The following SLC38A6 variants were observed in gnomAD, a reference collection of about 807,000 sequenced individuals.
SLC38A6 encodes the protein solute carrier family 38 member 6.
A neutral mutation model predicts 65.0 loss-of-function variants in SLC38A6; 73 were observed. The ratio of observed to expected loss-of-function variants is 1.12; its 90% CI spans 0.93 to 1.37. The LOEUF (loss-of-function observed/expected upper bound fraction) is 1.37. SLC38A6 is among the 40% of genes most tolerant of loss of function. The pLI is 0.00. For missense variants in SLC38A6, 561 were observed against 531.1 expected, an observed-to-expected ratio of 1.06 and a Z score of -0.55; for synonymous variants, 183 against 178.8, an observed-to-expected ratio of 1.02 and a Z score of -0.19.
intron 3 of SLC38A6, among the ~76,000 whole-genome samples, chr14:61,014,778 G>T (rs747302585): frequency 2.0e-5 from 3 of 152,200 alleles, no homozygotes; most frequent in Non-Finnish European, 1.5e-5. Flanking sequence ...GCCGTGTGAG[G>T]TGTCAGTCTG....
intron 6 of SLC38A6, among the ~76,000 whole-genome samples, chr14:61,033,714 A>T (rs2139689703): frequency 6.6e-6 from 1 of 152,262 alleles, no homozygotes; most frequent in South Asian, 2.1e-4. Context: ...ACACATGTGA[A>T]ATCTAAACTA....
intron 3 of SLC38A6, among the ~76,000 whole-genome samples, chr14:61,010,190 G>T (rs1196751405): frequency 6.6e-6 from 1 of 152,148 alleles, no homozygotes; most frequent in Non-Finnish European, 1.5e-5. Flanking sequence ...CTTTTGAGAA[G>T]TGTCTGTTCA....
chr14:60,989,031 A>G (rs545832925), intron 3 of SLC38A6, among the ~76,000 whole-genome samples: 6 of 151,996 alleles, frequency 3.9e-5, no homozygotes, highest in Admixed American at 2.0e-4. Context: ...TTGCTTTTTT[A>G]TATCTTCTCC....
intron 5 of SLC38A6, among the ~76,000 whole-genome samples, chr14:61,021,787 C>T (rs2040357690): frequency 6.6e-6 from 1 of 152,094 alleles, no homozygotes; most frequent in African/African-American, 2.4e-5. Context: ...TATTAAGTGC[C>T]CAGTCAGTAA....
intron 1 of SLC38A6, chr14:60,981,729 C>T (rs2037044483): frequency 2.3e-6 from 3 of 1,304,538 alleles, no homozygotes; most frequent in South Asian, 1.2e-5. Flanking sequence ...CCACCAGTCT[C>T]GTGAGGTCTT....
rs566765898 is a variant in SLC38A6 at position 61,033,607 on chromosome 14, G to A, written c.482+3084G>A. The stretch of plus-strand genomic sequence containing the variant: ...TACTTTTTGAGATTTCTTTTTACTA[G>A]TTTGTTTTTCTCAGGCAGCAGTTTT... On this transcript the variant is annotated intron_variant, in intron 6 of 15. Coordinates refer to ENST00000267488, the MANE Select transcript of SLC38A6 (RefSeq NM_153811.3). Among the ~76,000 whole-genome samples the A allele has an allele frequency of 2.6e-5, 4 of 152,060 alleles. No homozygotes were observed. In the East Asian group the frequency reaches 7.7e-4, roughly 29 times the overall value.
intron 3 of SLC38A6, among the ~76,000 whole-genome samples, chr14:60,998,376 G>T (rs1326720055): frequency 6.6e-6 from 1 of 152,096 alleles, no homozygotes; most frequent in African/African-American, 2.4e-5. Context: ...CAGTAAAGGA[G>T]AGAAGAGAAG....
chr14:61,036,895 C>G (rs941622820), intron 6 of SLC38A6, among the ~76,000 whole-genome samples, 164 bp from the exon 7 acceptor site: 1 of 149,690 alleles, frequency 6.7e-6, no homozygotes, highest in African/African-American at 2.5e-5. Context: ...AAATAGGATC[C>G]CACAAGAACA....
At chr14:61,029,187 G>A (rs1339807505) in intron 5 of SLC38A6, among the ~76,000 whole-genome samples, 1 of 96,494 alleles carries the variant, frequency 1.0e-5, no homozygotes, top group Non-Finnish European at 2.1e-5. Context: ...GTGGAATTTT[G>A]CTCTTTCACC....
At chr14:61,029,758 A>G (rs1255731100) in intron 5 of SLC38A6, among the ~76,000 whole-genome samples, 1 of 152,250 alleles carries the variant, frequency 6.6e-6, no homozygotes, top group Admixed American at 6.5e-5. Flanking sequence ...ATTACATAAT[A>G]TAGATGAACC....
At chr14:61,047,550 T>C (rs918185288) in intron 12 of SLC38A6, among the ~76,000 whole-genome samples, 2 of 152,122 alleles carry the variant, frequency 1.3e-5, no homozygotes, top group Non-Finnish European at 2.9e-5. Flanking sequence ...TTTATTACTG[T>C]GTTGTCTACT....
intron 3 of SLC38A6, among the ~76,000 whole-genome samples, chr14:60,998,240 G>A (rs1322755682): frequency 6.6e-6 from 1 of 151,856 alleles, no homozygotes; most frequent in East Asian, 1.9e-4. Flanking sequence ...TTGGGAACAG[G>A]CATTTCTGTT....
chr14:61,023,987 C>T (rs1392106924), intron 5 of SLC38A6, among the ~76,000 whole-genome samples: 1 of 152,072 alleles, frequency 6.6e-6, no homozygotes, highest in East Asian at 1.9e-4. Context: ...GGGGGAAAAG[C>T]TAGTGACCTG....
At chr14:61,053,681 A>G (rs191352300), downstream of SLC38A6, among the ~76,000 whole-genome samples, 6 of 152,266 alleles carry the variant, frequency 3.9e-5, no homozygotes, top group African/African-American at 1.2e-4. Context: ...GCATGTATGT[A>G]TGTCTTCTTT....
chr14:61,063,629 T>C (rs1022165002), intron 15 of SLC38A6, among the ~76,000 whole-genome samples: 1 of 152,192 alleles, frequency 6.6e-6, no homozygotes, highest in Non-Finnish European at 1.5e-5. Context: ...AATACACTCT[T>C]TTGCAGGTGC....
intron 2 of SLC38A6, 113 bp from the exon 3 acceptor site, chr14:60,984,617 C>T (rs2037316525): frequency 2.5e-6 from 2 of 789,956 alleles, no homozygotes; most frequent in Non-Finnish European, 4.5e-6. Flanking sequence ...TTCTGCTACT[C>T]AGAGATAGTT....
At chr14:61,054,949 G>A (rs932192352), downstream of SLC38A6, among the ~76,000 whole-genome samples, 5 of 152,008 alleles carry the variant, frequency 3.3e-5, no homozygotes, top group African/African-American at 1.2e-4. Flanking sequence ...AGTTTTCAAG[G>A]GAAATGCTTC....
At chr14:61,075,765 A>G (rs2043380431) in intron 15 of SLC38A6, among the ~76,000 whole-genome samples, 1 of 148,056 alleles carries the variant, frequency 6.8e-6, no homozygotes, top group Non-Finnish European at 1.5e-5. Context: ...AACGTGCCAT[A>G]GATCAACCTG....
chr14:61,041,715 A>G (rs1391545942), intron 8 of SLC38A6, among the ~76,000 whole-genome samples: 4 of 152,338 alleles, frequency 2.6e-5, no homozygotes, highest in African/African-American at 9.6e-5. Context: ...CCTGGGCAAC[A>G]TGGCAAAATC....
Sources: gnomAD v4.1 joint callset for allele counts (sites outside exome capture counted in the v4.1 genomes callset) on GRCh38, gnomAD v4.1.1 for gene constraint, MANE v1.5 for transcripts, NCBI Gene and HGNC (gene_info 2026-07-23, HGNC 2026-07-21) for gene names.